Variants in KRT33A observed in about 807,000 individuals in gnomAD.
The protein encoded by KRT33A is keratin 33A.
KRT33A carries 44 observed loss-of-function variants against 41.1 expected under a neutral mutation model. The observed-to-expected ratio is 1.07, with a 90% CI of 0.84 to 1.38. The LOEUF is 1.38. KRT33A is among the 40% of genes most tolerant of loss of function. The pLI is 0.00. For synonymous variants in KRT33A, 229 were observed against 227.8 expected (o/e 1.01, Z -0.05); for missense variants, 536 against 518.5 (o/e 1.03, Z -0.33).
chr17:41,347,128 G>T lies in KRT33A; in HGVS notation c.683C>A (p.Thr228Asn), dbSNP rs2017437234. Residue 228 changes from threonine to asparagine, a missense_variant, in exon 4 of 7, where the codon ACC becomes AAC. By Grantham distance (65) the Thr-to-Asn change is moderately conservative. Coordinates refer to ENST00000007735, the MANE Select transcript of KRT33A (RefSeq NM_004138.4). Reference protein sequence around the residue: ...TVDLNQVLNETRSQYEALVET... With the variant: ...TVDLNQVLNENRSQYEALVET... ...CACCAGGGCCTCATACTGACTCCTG[G>T]TCTCATTCAGGACCTGGTTCAGGTC... 1 of 1,614,074 alleles carries T rather than the reference G, an allele frequency of 6.2e-7. No individual in the cohort carries two copies. The highest frequency in any genetic ancestry group is 8.5e-7 in the Non-Finnish European group (1 of 1,180,040).
rs768584703 is a variant in KRT33A at position 41,346,150 on chromosome 17, C to G, written c.1184G>C (p.Arg395Pro). 1 of 1,613,966 alleles carries G rather than the reference C, an allele frequency of 6.2e-7. No individual in the cohort carries two copies. Among genetic ancestry groups the G allele is most frequent in the East Asian group, 2.2e-5 (1 of 44,872 alleles). The stretch of plus-strand genomic sequence containing the variant: ...CCCAAATGTGTTGCAAGGCCCACAC[C>G]GAGCACGTAGGCCACAGGGATTAGA... ...CISNPCGLRA[R>P]CGPCNTFGY The change falls in exon 7 of 7, where the codon CGG becomes CCG. Residue 395 changes from arginine to proline, a missense_variant. Arg to Pro is a moderately radical substitution (Grantham distance 103). Coordinates refer to ENST00000007735, the MANE Select transcript of KRT33A (RefSeq NM_004138.4).
intron 2 of KRT33A, 95 bp downstream of exon 2, chr17:41,349,251 T>C: frequency 8.4e-7 from 1 of 1,191,444 alleles, no homozygotes; most frequent in South Asian, 1.3e-5. Flanking sequence ...CATAGCTCAG[T>C]CACTGTTTGT....
Position 41,348,629 on chromosome 17 carries a change from C to A in KRT33A, c.442G>T (p.Glu148Ter). The A allele has an allele frequency of 6.2e-7, 1 of 1,614,070 alleles. No individual in the cohort carries two copies. The highest frequency in any genetic ancestry group is 1.6e-4 in the Middle Eastern group (1 of 6,062). The change falls in exon 3 of 7, where the codon GAG becomes TAG. Residue 148 changes from glutamate to a stop codon, truncating the protein, a stop_gained. Coordinates refer to ENST00000007735, the MANE Select transcript of KRT33A (RefSeq NM_004138.4). LOFTEE classifies it high-confidence loss of function. ...TCCACCAGCTGCCGCAGGGACAGCTCGGTCTCATATCTGTGATCACAGGAG... is the reference window on the plus strand; with the variant it reads ...TCCACCAGCTGCCGCAGGGACAGCTAGGTCTCATATCTGTGATCACAGGAG... ...SDDFRTKYET[E>*]LSLRQLVESD...
intron 3 of KRT33A, 52 bp from the exon 4 acceptor site, chr17:41,347,274 C>T: frequency 6.6e-7 from 1 of 1,526,138 alleles, no homozygotes; most frequent in Non-Finnish European, 8.8e-7. Context: ...TTGGTGCTCT[C>T]CTTAAGAGAA....
Position 41,346,475 on chromosome 17 carries a change from C to G in KRT33A, c.1070G>C (p.Arg357Pro). Reference sequence around the variant, plus strand: ...GCAGTCCTCGCTCTCCAGCAGGCTCCGGTACGTGTTGATCTCACACTCCAG... The same window carrying G: ...GCAGTCCTCGCTCTCCAGCAGGCTCGGGTACGTGTTGATCTCACACTCCAG... ...ARLECEINTY[R>P]SLLESEDCKL... is the part of the protein sequence containing the mutation. Residue 357 changes from arginine (R) to proline (P), a missense_variant, in exon 6 of 7, where the codon CGG becomes CCG. Physicochemically the swap from Arg to Pro is moderately radical, Grantham distance 103. Coordinates refer to ENST00000007735, the MANE Select transcript of KRT33A (RefSeq NM_004138.4). The G allele has an allele frequency of 6.2e-7, 1 of 1,614,004 alleles. No individual in the cohort carries two copies. Among genetic ancestry groups the G allele is most frequent in the East Asian group, 2.2e-5 (1 of 44,870 alleles).
At chr17:41,346,770 T>A in intron 5 of KRT33A, 74 bp downstream of exon 5, 2 of 1,608,712 alleles carry the variant, frequency 1.2e-6, no homozygotes, top group African/African-American at 1.3e-5. Flanking sequence ...GGAGAGTGTG[T>A]GGCCCCAAGG....
At chr17:41,347,711 T>G (rs533388193) in intron 3 of KRT33A, among the ~76,000 whole-genome samples, 1 of 152,262 alleles carries the variant, frequency 6.6e-6, no homozygotes, top group Non-Finnish European at 1.5e-5. Flanking sequence ...TAGATTTTGC[T>G]GAAGGCAATA....
chr17:41,347,025 C>A, intron 4 of KRT33A, 36 bp downstream of exon 4: 2 of 1,611,526 alleles, frequency 1.2e-6, no homozygotes, highest in Non-Finnish European at 1.7e-6. Flanking sequence ...CCTGGGGGGC[C>A]TCGGGTCCTG....
Position 41,349,376 on chromosome 17 carries a change from G to C in KRT33A, c.401C>G (p.Ala134Gly), listed in dbSNP as rs145856348. ...CCTGAAGTCATCTGAGGCCAGCTTG[G>C]CATTGTCGATCTGCACCACAAGCCT... ...NARLVVQIDNAKLASDDFRTK... is the reference protein window; with the variant it reads ...NARLVVQIDNGKLASDDFRTK... The change falls in exon 2 of 7, where the codon GCC (alanine) becomes GGC (glycine). Residue 134 changes from alanine to glycine, a missense_variant. By Grantham distance (60) the Ala-to-Gly change is moderately conservative. Transcript: ENST00000007735. 1 of 1,614,030 alleles carries C rather than the reference G, an allele frequency of 6.2e-7. No individual in the cohort carries two copies. The highest frequency in any genetic ancestry group is 1.7e-5 in the Admixed American group (1 of 59,998).
chr17:41,350,266 C>T (rs1316656764), intron 1 of KRT33A, among the ~76,000 whole-genome samples, 154 bp downstream of exon 1: 1 of 152,110 alleles, frequency 6.6e-6, no homozygotes, highest in Non-Finnish European at 1.5e-5. Flanking sequence ...CTAACAGTCC[C>T]AAGTCTAGTA....
chr17:41,350,456 C>T lies in KRT33A; in HGVS notation c.312G>A (p.Gln104=). 6.2e-7 allele frequency: 1 copy of T among 1,614,106 alleles called. No individual in the cohort carries two copies. The highest frequency in any genetic ancestry group is 8.5e-7 in the Non-Finnish European group (1 of 1,180,042). ...GCTCCTCAATGGTCTTGAAGTAGGACTGGTAGCTGGCACACACCAAGGGCT... is the reference window on the plus strand; with the variant it reads ...GCTCCTCAATGGTCTTGAAGTAGGATTGGTAGCTGGCACACACCAAGGGCT... ...QQEPLVCASY[Q]SYFKTIEELQ... is the part of the protein sequence containing the mutation. The change falls in exon 1 of 7, where the codon CAG becomes CAA. Residue 104 remains glutamine (Q), a synonymous_variant. Coordinates refer to ENST00000007735, the MANE Select transcript of KRT33A (RefSeq NM_004138.4).
At chr17:41,347,805 C>T (rs2017447064) in intron 3 of KRT33A, among the ~76,000 whole-genome samples, 1 of 152,238 alleles carries the variant, frequency 6.6e-6, no homozygotes, top group South Asian at 2.1e-4. Flanking sequence ...AACCTCATCT[C>T]TACCACTTAA....
intron 1 of KRT33A, 68 bp from the exon 2 acceptor site, chr17:41,349,496 T>G: frequency 1.3e-6 from 2 of 1,499,014 alleles, no homozygotes; most frequent in Non-Finnish European, 1.9e-6. Context: ...CAGTCCTTCC[T>G]AATTCACTTC....
In KRT33A at chr17:41,350,492, T is replaced by C. The variant is rs771056498; in HGVS notation, c.276A>G (p.Ser92=). The change falls in exon 1 of 7, where the codon TCA becomes TCG. Residue 92 remains serine, a synonymous_variant. Coordinates refer to ENST00000007735, the MANE Select transcript of KRT33A (RefSeq NM_004138.4). ...CACACACCAAGGGCTCCTGCTGCTGTGACCGCTCCCGGATGAGGTTCTCCA... is the reference window on the plus strand; with the variant it reads ...CACACACCAAGGGCTCCTGCTGCTGCGACCGCTCCCGGATGAGGTTCTCCA... ...AELENLIRER[S]QQQEPLVCAS... The C allele has an allele frequency of 1.2e-6, 2 of 1,614,148 alleles. No individual in the cohort carries two copies. The highest frequency in any genetic ancestry group is 1.7e-6 in the Non-Finnish European group (2 of 1,180,028).
chr17:41,349,988 C>G (rs2017481950), intron 1 of KRT33A, among the ~76,000 whole-genome samples: 1 of 152,108 alleles, frequency 6.6e-6, no homozygotes, highest in African/African-American at 2.4e-5. Flanking sequence ...ACAATGAAAT[C>G]AGGATAAGTA....
Position 41,346,636 on chromosome 17 carries a change from G to A in KRT33A, c.909C>T (p.Ser303=), listed in dbSNP as rs201406801. 4.0e-5 allele frequency: 65 copies of A among 1,614,206 alleles called. No homozygotes were observed. In the East Asian group the frequency reaches 6.9e-4, roughly 17 times the overall value. Reference sequence around the variant, plus strand: ...ACAGCTGGGAGCTGTAGCGGGCCTCGCTCTCTGTCAGCGTGTTTTCCAGAG... The same window carrying A: ...ACAGCTGGGAGCTGTAGCGGGCCTCACTCTCTGTCAGCGTGTTTTCCAGAG... ...RDSLENTLTE[S]EARYSSQLSQ... Residue 303 remains serine (S), a synonymous_variant, in exon 6 of 7, where the codon AGC becomes AGT. Transcript: ENST00000007735.
At position 41,346,177 on chromosome 17, in the gene KRT33A, A is replaced by T; in HGVS notation, c.1157T>A (p.Ile386Asn). 6.2e-7 allele frequency: 1 copy of T among 1,614,134 alleles called. No individual in the cohort carries two copies. Residue 386 changes from isoleucine to asparagine, a missense_variant, in exon 7 of 7, where the codon ATC becomes AAC. Coordinates refer to ENST00000007735, the MANE Select transcript of KRT33A (RefSeq NM_004138.4). Reference sequence around the variant, plus strand: ...AGCACGTAGGCCACAGGGATTAGAGATACAGGGCCCAGTGGACTTGTCACA... The same window carrying T: ...AGCACGTAGGCCACAGGGATTAGAGTTACAGGGCCCAGTGGACTTGTCACA... ...NACDKSTGPC[I>N]SNPCGLRARC...
chr17:41,346,288 T>C lies in KRT33A; in HGVS notation c.1098-52A>G, dbSNP rs1439129115. 2.5e-6 allele frequency: 4 copies of C among 1,588,722 alleles called. No individual in the cohort carries two copies. In the Admixed American group the frequency reaches 5.0e-5, roughly 20 times the overall value. ...GTTAGAGTAAAATGAGCTGAAGAGA[T>C]TGGAAAATACTAAAAGGGCTTTGTG... is the stretch of plus-strand genomic sequence containing the variant. On this transcript the variant is annotated intron_variant, in intron 6 of 6. Transcript: ENST00000007735.
intron 3 of KRT33A, 132 bp from the exon 4 acceptor site, chr17:41,347,354 G>T: frequency 9.0e-7 from 1 of 1,108,674 alleles, no homozygotes. Flanking sequence ...TCACTAACCA[G>T]GATCTATATT....
Sources: allele counts gnomAD v4.1 joint callset (sites outside exome capture counted in the v4.1 genomes callset), GRCh38; gene constraint gnomAD v4.1.1; transcripts MANE v1.5; gene names NCBI Gene and HGNC (gene_info 2026-07-23, HGNC 2026-07-21).